Variants in DLGAP2 observed in about 807,000 individuals in gnomAD.
DLGAP2 encodes DLG associated protein 2, also known as disks large-associated protein 2.
Under a neutral mutation model 100.3 loss-of-function variants are expected in DLGAP2, and 26 were observed. That is an observed-to-expected ratio of 0.26 (90% confidence interval 0.19 to 0.36). The LOEUF is 0.36. Among genes scored for constraint, DLGAP2 ranks in the 10% least tolerant of loss-of-function variants. The pLI is 1.00. For synonymous variants in DLGAP2, 886 were observed against 630.1 expected, an observed-to-expected ratio of 1.41 and a Z score of -6.08; for missense variants, 1,858 against 1,453.2, an observed-to-expected ratio of 1.28 and a Z score of -4.53.
chr8:1,415,330 T>C (rs1371297114), intron 3 of DLGAP2, among the ~76,000 whole-genome samples: 1 of 152,228 alleles, frequency 6.6e-6, no homozygotes, highest in African/African-American at 2.4e-5. Flanking sequence ...ACTTTTATTT[T>C]AGATCCGGGG....
chr8:1,494,601 C>T (rs1298727770), intron 3 of DLGAP2, among the ~76,000 whole-genome samples: 2 of 152,074 alleles, frequency 1.3e-5, no homozygotes, highest in African/African-American at 2.4e-5. Context: ...TGGTGTCAGG[C>T]GCCTGTAGTC....
chr8:1,364,507 G>C (rs940125951), intron 3 of DLGAP2, among the ~76,000 whole-genome samples: 2 of 149,898 alleles, frequency 1.3e-5, no homozygotes, highest in South Asian at 2.1e-4. Context: ...AAGGGCGGGG[G>C]GGGTGCAGCG....
intron 6 of DLGAP2, among the ~76,000 whole-genome samples, chr8:1,602,563 AC>A (rs1796662955): frequency 6.6e-6 from 1 of 152,178 alleles, no homozygotes; most frequent in African/African-American, 2.4e-5. Context: ...AGGCCTGCCC[AC>A]CTGCACTGGC....
intron 3 of DLGAP2, among the ~76,000 whole-genome samples, chr8:1,303,744 C>G (rs747182034): frequency 5.9e-5 from 9 of 152,074 alleles, no homozygotes; most frequent in Non-Finnish European, 8.8e-5. Context: ...CTCCTCTGGT[C>G]TCTGGGGTTT....
intron 6 of DLGAP2, among the ~76,000 whole-genome samples, chr8:1,568,203 C>T (rs1802487541): frequency 1.4e-5 from 2 of 146,404 alleles, no homozygotes; most frequent in Non-Finnish European, 3.0e-5. Flanking sequence ...CTGCCTGTGG[C>T]CCCCATGCCA....
chr8:1,228,566 C>T (rs1378453064), intron 2 of DLGAP2, among the ~76,000 whole-genome samples: 1 of 152,148 alleles, frequency 6.6e-6, no homozygotes, highest in Admixed American at 6.5e-5. Flanking sequence ...AAATAACTAG[C>T]AAATTGAATC....
chr8:882,309 C>G (rs1256518101), intron 1 of DLGAP2, among the ~76,000 whole-genome samples: 1 of 150,800 alleles, frequency 6.6e-6, no homozygotes, highest in African/African-American at 2.4e-5. Flanking sequence ...GAGGCCTCTC[C>G]TGCGGGCACC....
rs1248160361 is a variant in DLGAP2 at position 1,690,495 on chromosome 8, G to A, written c.2705-1040G>A. ...TGAGATGGGTGGATCACCTGAGGTC[G>A]GGAGTTCGAGACCAGCCTGACCAAC... On this transcript the variant is annotated intron_variant, in intron 12 of 14. Coordinates refer to ENST00000637795, the MANE Select transcript of DLGAP2 (RefSeq NM_001346810.2). Among the ~76,000 whole-genome samples the A allele has an allele frequency of 6.1e-5, 9 of 148,498 alleles. No individual in the cohort carries two copies. The South Asian group carries it at 1.1e-3, about 18-fold the overall frequency.
intron 2 of DLGAP2, among the ~76,000 whole-genome samples, chr8:1,102,318 A>G (rs1804611972): frequency 6.8e-6 from 1 of 147,510 alleles, no homozygotes; most frequent in African/African-American, 2.5e-5. Flanking sequence ...ATTACATAAT[A>G]ATATATATAA....
intron 2 of DLGAP2, among the ~76,000 whole-genome samples, chr8:916,033 A>C (rs1411862524): frequency 1.5e-5 from 2 of 135,478 alleles, no homozygotes; most frequent in Non-Finnish European, 3.1e-5. Context: ...CTCATTGTAG[A>C]CTCTCTGCAC....
At chr8:999,752 T>A (rs1800890151) in intron 2 of DLGAP2, among the ~76,000 whole-genome samples, 1 of 152,232 alleles carries the variant, frequency 6.6e-6, no homozygotes, top group African/African-American at 2.4e-5. Flanking sequence ...GTGCTGGGAT[T>A]ATAGGCGTGA....
chr8:1,162,756 G>A (rs192760526), intron 2 of DLGAP2, among the ~76,000 whole-genome samples: 13 of 152,216 alleles, frequency 8.5e-5, no homozygotes, highest in Non-Finnish European at 1.3e-4. Context: ...GGCTGTGTCC[G>A]TTGTCTGTAC....
At chr8:954,387 T>C (rs1799550404) in intron 2 of DLGAP2, among the ~76,000 whole-genome samples, 1 of 152,202 alleles carries the variant, frequency 6.6e-6, no homozygotes, top group Non-Finnish European at 1.5e-5. Context: ...GAGAAACTCT[T>C]ATACAAGTGA....
At chr8:1,464,096 G>A (rs535284284) in intron 3 of DLGAP2, among the ~76,000 whole-genome samples, 1 of 100,248 alleles carries the variant, frequency 1.0e-5, no homozygotes, top group African/African-American at 3.8e-5. Context: ...CCTTCCAGCT[G>A]AGCTCCCAGG....
At chr8:1,574,114 A>C (rs1017364637) in intron 6 of DLGAP2, among the ~76,000 whole-genome samples, 1 of 152,170 alleles carries the variant, frequency 6.6e-6, no homozygotes, top group Admixed American at 6.5e-5. Context: ...AGCAGGACCA[A>C]GTTCCCAAAG....
chr8:1,073,308 A>T (rs1031814515), intron 2 of DLGAP2, among the ~76,000 whole-genome samples: 1 of 152,250 alleles, frequency 6.6e-6, no homozygotes, highest in African/African-American at 2.4e-5. Flanking sequence ...TAAAACAAAT[A>T]GCCAAATCAT....
intron 3 of DLGAP2, among the ~76,000 whole-genome samples, chr8:1,289,102 A>C (rs573342393): frequency 6.6e-6 from 1 of 152,320 alleles, no homozygotes; most frequent in Admixed American, 6.5e-5. Flanking sequence ...GATGTACTCC[A>C]TGAAGGCCCC....
At chr8:1,480,506 C>G (rs1799060484) in intron 3 of DLGAP2, among the ~76,000 whole-genome samples, 1 of 152,154 alleles carries the variant, frequency 6.6e-6, no homozygotes, top group South Asian at 2.1e-4. Context: ...CTGACCTGGC[C>G]TAGTCCATCA....
At chr8:1,039,164 AGCTCGGTGTGCG>A (rs1802220264) in intron 2 of DLGAP2, among the ~76,000 whole-genome samples, 2 of 76,566 alleles carry the variant, frequency 2.6e-5, no homozygotes, top group Non-Finnish European at 7.0e-5. Flanking sequence ...ATGCGTGGTC[AGCTCGGTGTGCG>A]TGGTCAGCTC....
Sources: gnomAD v4.1 joint callset for allele counts (sites outside exome capture counted in the v4.1 genomes callset) on GRCh38, gnomAD v4.1.1 for gene constraint, MANE v1.5 for transcripts, NCBI Gene and HGNC (gene_info 2026-07-23, HGNC 2026-07-21) for gene names.